The following PHF3 variants were observed in gnomAD, a reference collection of about 807,000 sequenced individuals.
PHF3 encodes PHD finger protein 3.
A neutral mutation model predicts 178.4 loss-of-function variants in PHF3; 41 were observed. The observed-to-expected ratio is 0.23, with a 90% CI of 0.18 to 0.30. The LOEUF is 0.30. Among genes scored for constraint, PHF3 ranks in the 10% least tolerant of loss-of-function variants. The pLI, the probability that PHF3 is intolerant of heterozygous loss-of-function variation, is 1.00. For synonymous variants in PHF3, 842 were observed against 800.5 expected, an observed-to-expected ratio of 1.05 and a Z score of -0.88; for missense variants, 2,346 against 2,398.1, an observed-to-expected ratio of 0.98 and a Z score of 0.45.
In PHF3 at chr6:63,700,331, T is replaced by TCAAA. The variant is rs1767419351; in HGVS notation, c.2983-19_2983-18insCAAA. 1 of 1,227,326 alleles carries TCAAA rather than the reference T, an allele frequency of 8.1e-7. No homozygotes were observed. Among genetic ancestry groups the TCAAA allele is most frequent in the Non-Finnish European group, 1.2e-6 (1 of 849,334 alleles). The allele number at this position is 1,227,326 out of a possible 1,614,324, so 76.0% of individuals were successfully genotyped here. On this transcript the variant is annotated intron_variant, in intron 8 of 15. Transcript: ENST00000262043. ...AAATGTTTGTCTCCCCTTCTATTCC[T>TCAAA]ATTTTAAAATCCTTCCAGATATTAT... is the stretch of plus-strand genomic sequence containing the variant.
rs1366151315 is a variant in PHF3 at position 63,715,217 on chromosome 6, A to G, written c.*1509A>G. 2 of 152,162 alleles carry G rather than the reference A, an allele frequency of 1.3e-5. No individual in the cohort carries two copies. Among genetic ancestry groups the G allele is most frequent in the African/African-American group, 4.8e-5 (2 of 41,468 alleles). 9.4% of individuals were successfully genotyped at this position (152,162 alleles called of 1,614,324 possible). On this transcript the variant is annotated 3_prime_UTR_variant, in exon 16 of 16. Coordinates refer to ENST00000262043, the MANE Select transcript of PHF3 (RefSeq NM_001370348.2). ...TATTTAATTTGCAATGACTTGCAGT[A>G]CTTTTTTCCCTATCCTTATCCTGTG...
At chr6:63,664,810 G>C (rs986862465) in intron 2 of PHF3, among the ~76,000 whole-genome samples, 1 of 151,716 alleles carries the variant, frequency 6.6e-6, no homozygotes, top group Admixed American at 6.6e-5. Context: ...AAGATAACTC[G>C]ATTATACATA....
intron 2 of PHF3, among the ~76,000 whole-genome samples, chr6:63,673,246 CTT>C (rs1437255728): frequency 6.6e-6 from 1 of 152,036 alleles, no homozygotes; most frequent in Non-Finnish European, 1.5e-5. Context: ...AGTATTGTCT[CTT>C]AGAAAAGGAT....
At chr6:63,679,262 A>G (rs898104555) in intron 2 of PHF3, among the ~76,000 whole-genome samples, 9 of 152,128 alleles carry the variant, frequency 5.9e-5, no homozygotes, top group African/African-American at 1.7e-4. Context: ...CCTAATGACA[A>G]TATGAGTACG....
chr6:63,674,596 A>AGT (rs1323859404), intron 2 of PHF3, among the ~76,000 whole-genome samples: 1 of 152,098 alleles, frequency 6.6e-6, no homozygotes, highest in Non-Finnish European at 1.5e-5. Flanking sequence ...CGGGTGGTCA[A>AGT]GTAGAGACTG....
Position 63,721,215 on chromosome 6 carries a change from C to T in PHF3, c.*7507C>T, listed in dbSNP as rs1582139965. On this transcript the variant is annotated 3_prime_UTR_variant, in exon 16 of 16. Transcript: ENST00000262043. ...ATACCTTCCCACCCAACCCAAAGTA[C>T]ACAGGCAACTGTAAGAAAATGATTG... is the stretch of plus-strand genomic sequence containing the variant. The T allele has an allele frequency of 3.9e-6, 6 of 1,551,692 alleles. No individual in the cohort carries two copies. Among genetic ancestry groups the T allele is most frequent in the Non-Finnish European group, 5.2e-6 (6 of 1,146,914 alleles).
At chr6:63,707,683 A>G (rs1330055576) in intron 13 of PHF3, among the ~76,000 whole-genome samples, 1 of 151,274 alleles carries the variant, frequency 6.6e-6, no homozygotes, top group Non-Finnish European at 1.5e-5. Context: ...ATTGTAAAAA[A>G]ATTCCTTTTA....
intron 1 of PHF3, among the ~76,000 whole-genome samples, chr6:63,640,983 C>T (rs1008004712): frequency 6.6e-6 from 1 of 152,192 alleles, no homozygotes; most frequent in African/African-American, 2.4e-5. Context: ...GCATACTCAC[C>T]TCTGATTGAG....
At chr6:63,677,821 C>T (rs1487203402) in intron 2 of PHF3, among the ~76,000 whole-genome samples, 1 of 152,110 alleles carries the variant, frequency 6.6e-6, no homozygotes, top group African/African-American at 2.4e-5. Flanking sequence ...TCTTATGCAT[C>T]TTTGTAATGC....
intron 2 of PHF3, among the ~76,000 whole-genome samples, chr6:63,671,060 A>T (rs557759955): frequency 6.6e-6 from 1 of 151,408 alleles, no homozygotes; most frequent in African/African-American, 2.4e-5. Context: ...AGAATGTGAA[A>T]CTCAATGAAT....
Position 63,706,079 on chromosome 6 carries a change from G to T in PHF3, c.3418G>T (p.Val1140Phe). 1 of 1,613,804 alleles carries T rather than the reference G, an allele frequency of 6.2e-7. No homozygotes were observed. The highest frequency in any genetic ancestry group is 8.5e-7 in the Non-Finnish European group (1 of 1,179,902). The change falls in exon 12 of 16, where the codon GTT becomes TTT. Residue 1140 changes from valine (V) to phenylalanine (F), a missense_variant. Transcript: ENST00000262043. ...DDLSPKKVKV[V>F]VGVARKHSDN... is the part of the protein sequence containing the mutation. ...TCTTTCTCCAAAAAAAGTAAAAGTT[G>T]TTGTAGGAGTAGCTCGCAAACATTC...
chr6:63,671,159 T>C (rs1561954242), intron 2 of PHF3, among the ~76,000 whole-genome samples: 1 of 152,150 alleles, frequency 6.6e-6, no homozygotes, highest in Non-Finnish European at 1.5e-5. Flanking sequence ...TTTCATTAAA[T>C]AACATTCCAG....
At chr6:63,678,737 CA>C (rs1766295104) in intron 2 of PHF3, 1 of 420,246 alleles carries the variant, frequency 2.4e-6, no homozygotes, top group South Asian at 1.8e-5. Context: ...TGAGCAGTTT[CA>C]TGATTCTGTT....
intron 2 of PHF3, among the ~76,000 whole-genome samples, chr6:63,648,536 C>CT (rs1178661021): frequency 1.3e-5 from 2 of 151,992 alleles, no homozygotes; most frequent in African/African-American, 4.8e-5. Flanking sequence ...ACTTCCTGTC[C>CT]TTTTTTAAAA....
Position 63,724,345 on chromosome 6 carries a change from A to G in PHF3, c.*10637A>G, listed in dbSNP as rs1768531582. Reference sequence around the variant, plus strand: ...CTAATATTTGTGAAGAGACTACAGAATCAGCATATCAGGGGAATTGTATAT... The same window carrying G: ...CTAATATTTGTGAAGAGACTACAGAGTCAGCATATCAGGGGAATTGTATAT... On this transcript the variant is annotated 3_prime_UTR_variant, in exon 16 of 16. Coordinates refer to ENST00000262043, the MANE Select transcript of PHF3 (RefSeq NM_001370348.2). Among the ~76,000 whole-genome samples the G allele has an allele frequency of 6.6e-6, 1 of 152,208 alleles. No homozygotes were observed. Among genetic ancestry groups the G allele is most frequent in the Admixed American group, 6.5e-5 (1 of 15,272 alleles).
intron 2 of PHF3, among the ~76,000 whole-genome samples, chr6:63,675,302 GTT>G (rs1404080255): frequency 2.0e-5 from 3 of 152,186 alleles, no homozygotes; most frequent in Non-Finnish European, 4.4e-5. Context: ...CTAGTAGGGA[GTT>G]TTTCACATTT....
At chr6:63,704,839 G>T (rs1220312727) in intron 11 of PHF3, among the ~76,000 whole-genome samples, 1 of 152,098 alleles carries the variant, frequency 6.6e-6, no homozygotes, top group African/African-American at 2.4e-5. Flanking sequence ...CAGAGGCTGA[G>T]CCATTTTGCC....
chr6:63,710,877 A>G (rs896562136), intron 14 of PHF3, among the ~76,000 whole-genome samples: 6 of 152,164 alleles, frequency 3.9e-5, no homozygotes, highest in African/African-American at 1.4e-4. Context: ...GCCACTGACA[A>G]GTTGTATCTG....
At chr6:63,640,685 A>G (rs1019144977) in intron 1 of PHF3, among the ~76,000 whole-genome samples, 9 of 152,224 alleles carry the variant, frequency 5.9e-5, no homozygotes, top group African/African-American at 1.9e-4. Context: ...TTTTAGTTCC[A>G]TCACCTACTA....
Sources: gnomAD v4.1 joint callset for allele counts (sites outside exome capture counted in the v4.1 genomes callset) on GRCh38, gnomAD v4.1.1 for gene constraint, MANE v1.5 for transcripts, NCBI Gene and HGNC (gene_info 2026-07-23, HGNC 2026-07-21) for gene names.